The following DAB1 variants were observed in gnomAD, a reference collection of about 807,000 sequenced individuals.
DAB1 encodes DAB adaptor protein 1.
In DAB1, 15 loss-of-function variants were observed where a neutral mutation model predicts 64.6. The ratio of observed to expected loss-of-function variants is 0.23; its 90% CI spans 0.16 to 0.36. DAB1 has a LOEUF of 0.36. DAB1 is among the 10% of genes least tolerant of loss of function. The pLI is 1.00. For synonymous variants in DAB1, 235 were observed against 251.9 expected (o/e 0.93, Z 0.64); for missense variants, 596 against 706.7 (o/e 0.84, Z 1.78).
chr1:58,220,388 T>C (rs1364827530), intron 4 of DAB1, among the ~76,000 whole-genome samples: 3 of 152,174 alleles, frequency 2.0e-5, no homozygotes, highest in Admixed American at 2.0e-4. Flanking sequence ...ACCATGGCCA[T>C]GAAACACTGG....
chr1:57,940,928 C>A (rs900638895), intron 5 of DAB1, among the ~76,000 whole-genome samples: 4 of 152,156 alleles, frequency 2.6e-5, no homozygotes, highest in Non-Finnish European at 5.9e-5. Flanking sequence ...AAAACCCTAG[C>A]AGAGATACCT....
rs578258985 is a variant in DAB1, at chr1:58,050,521, TTTTA to T, written n.387+99986_387+99989del. On this transcript the variant is annotated intron_variant and non_coding_transcript_variant, in intron 5 of 20. Coordinates refer to the DAB1 transcript ENST00000485760. ...TAAAAGAATTAACCTCATTGCTTTA[TTTTA>T]TTTATTTATTTATTTATTTATGGAG... Among the ~76,000 whole-genome samples the T allele has an allele frequency of 1.6e-4, 25 of 152,034 alleles. No homozygotes were observed. In the South Asian group the frequency reaches 3.7e-3, roughly 23 times the overall value.
chr1:57,399,929 T>C (rs926642279), intron 1 of DAB1, among the ~76,000 whole-genome samples: 5 of 152,244 alleles, frequency 3.3e-5, no homozygotes, highest in African/African-American at 1.2e-4. Flanking sequence ...AATTGCTCTA[T>C]ATGGGTACAG....
In DAB1 at chr1:57,530,145, A is replaced by G. The variant is rs914305711; in HGVS notation, n.625+119447T>C. Among the ~76,000 whole-genome samples the G allele has an allele frequency of 2.0e-4, 31 of 152,134 alleles. No individual in the cohort carries two copies. In the South Asian group the frequency reaches 2.9e-3, roughly 14 times the overall value. On this transcript the variant is annotated intron_variant and non_coding_transcript_variant, in intron 7 of 20. Transcript: ENST00000485760. ...GACACGTGCAAATACTTTGATGCAAATTTTTAGGAAAGCACACTATATTGG... is the reference window on the plus strand; with the variant it reads ...GACACGTGCAAATACTTTGATGCAAGTTTTTAGGAAAGCACACTATATTGG...
At chr1:57,874,546 G>A (rs1644011108) in intron 1 of DAB1, among the ~76,000 whole-genome samples, 1 of 152,154 alleles carries the variant, frequency 6.6e-6, no homozygotes, top group South Asian at 2.1e-4. Flanking sequence ...CAGCAGGTGA[G>A]TAGAATGAAG....
intron 1 of DAB1, among the ~76,000 whole-genome samples, chr1:57,415,646 GA>G: frequency 6.6e-6 from 1 of 152,092 alleles, no homozygotes; most frequent in East Asian, 1.9e-4. Context: ...TCCACAATTA[GA>G]TTACTAGCAC....
intron 1 of DAB1, among the ~76,000 whole-genome samples, chr1:57,344,044 C>T (rs1442617528): frequency 1.3e-5 from 2 of 152,226 alleles, no homozygotes; most frequent in Non-Finnish European, 2.9e-5. Flanking sequence ...TCATTTTATC[C>T]TCACCAGAAA....
chr1:58,178,085 A>T (rs1159660391), intron 4 of DAB1, among the ~76,000 whole-genome samples: 1 of 152,122 alleles, frequency 6.6e-6, no homozygotes, highest in Non-Finnish European at 1.5e-5. Flanking sequence ...TGCAATATGG[A>T]TTCTGTTCTC....
intron 7 of DAB1, among the ~76,000 whole-genome samples, chr1:57,583,766 A>G (rs996677608): frequency 2.6e-5 from 4 of 152,182 alleles, no homozygotes; most frequent in African/African-American, 4.8e-5. Context: ...TGAGCCTCAC[A>G]TGGGATAGTG....
intron 6 of DAB1, among the ~76,000 whole-genome samples, chr1:57,753,141 T>C (rs996535524): frequency 2.6e-5 from 4 of 152,194 alleles, no homozygotes; most frequent in Admixed American, 6.5e-5. Context: ...CTACTCTTGC[T>C]CATGTCCAGG....
chr1:58,421,331 C>G (rs1367900507), intron 3 of DAB1, among the ~76,000 whole-genome samples: 1 of 152,104 alleles, frequency 6.6e-6, no homozygotes, highest in Non-Finnish European at 1.5e-5. Flanking sequence ...TGAATTTATT[C>G]TCAAAGTATT....
At chr1:58,289,660 A>C (rs982705157) in intron 4 of DAB1, among the ~76,000 whole-genome samples, 2 of 152,206 alleles carry the variant, frequency 1.3e-5, no homozygotes, top group African/African-American at 4.8e-5. Context: ...GTGAATATTA[A>C]ATAGGAGTCT....
intron 5 of DAB1, among the ~76,000 whole-genome samples, chr1:57,949,527 GTCTGTCTA>G (rs1415898969): frequency 4.8e-5 from 7 of 147,312 alleles, no homozygotes; most frequent in African/African-American, 1.6e-4. Flanking sequence ...CTGTCTGTCT[GTCTGTCTA>G]TCTATCATCT....
chr1:57,670,182 G>A (rs1420900741), intron 6 of DAB1, among the ~76,000 whole-genome samples: 1 of 152,118 alleles, frequency 6.6e-6, no homozygotes, highest in Non-Finnish European at 1.5e-5. Context: ...ACTACTTATT[G>A]TGGGTGTTAC....
At chr1:57,305,639 T>C (rs1323219270) in intron 1 of DAB1, among the ~76,000 whole-genome samples, 1 of 152,142 alleles carries the variant, frequency 6.6e-6, no homozygotes, top group Non-Finnish European at 1.5e-5. Flanking sequence ...CTATGTCTCC[T>C]GTAACAGAGC....
chr1:57,926,561 CT>C (rs1644882958), intron 5 of DAB1, among the ~76,000 whole-genome samples: 1 of 152,186 alleles, frequency 6.6e-6, no homozygotes, highest in Non-Finnish European at 1.5e-5. Context: ...CTGGATCTCT[CT>C]CTCTCAATCT....
intron 7 of DAB1, among the ~76,000 whole-genome samples, chr1:57,559,901 T>C (rs1019083921): frequency 5.3e-5 from 8 of 152,216 alleles, no homozygotes; most frequent in Admixed American, 1.3e-4. Flanking sequence ...ATTTGAAAGA[T>C]GCAGGGGTGG....
intron 9 of DAB1, among the ~76,000 whole-genome samples, chr1:57,049,364 T>C (rs1372391112): frequency 7.3e-6 from 1 of 137,788 alleles, no homozygotes; most frequent in Non-Finnish European, 1.5e-5. Context: ...GGCAGGAGAA[T>C]GGCATGAACC....
intron 7 of DAB1, among the ~76,000 whole-genome samples, chr1:57,464,442 C>T (rs185486525): frequency 2.0e-5 from 3 of 152,226 alleles, no homozygotes; most frequent in East Asian, 3.9e-4. Flanking sequence ...CCTCTCACAG[C>T]GCATGTACTT....
Sources: gnomAD v4.1 joint callset for allele counts (sites outside exome capture counted in the v4.1 genomes callset) on GRCh38, gnomAD v4.1.1 for gene constraint, MANE v1.5 for transcripts, NCBI Gene and HGNC (gene_info 2026-07-23, HGNC 2026-07-21) for gene names.